Variants in MS4A12 observed in about 807,000 individuals in gnomAD.
MS4A12 encodes membrane-spanning 4-domains subfamily A member 12.
A neutral mutation model predicts 23.7 loss-of-function variants in MS4A12; 28 were observed. That is an observed-to-expected ratio of 1.18 (90% CI 0.88 to 1.62). The LOEUF (loss-of-function observed/expected upper bound fraction) is 1.62, where lower values mean the gene tolerates loss of function less well. Among genes scored for constraint, MS4A12 ranks in the 40% most tolerant of loss-of-function variants. The pLI, the probability that MS4A12 is intolerant of heterozygous loss-of-function variation, is 0.00. For synonymous variants in MS4A12, 108 were observed against 110.1 expected, an observed-to-expected ratio of 0.98 and a Z score of 0.12; for missense variants, 342 against 327.0, an observed-to-expected ratio of 1.05 and a Z score of -0.35.
chr11:60,497,446 C>A lies in MS4A12; in HGVS notation c.128C>A (p.Ala43Asp), dbSNP rs757436949. Residue 43 changes from alanine (A) to aspartate (D), a missense_variant, in exon 2 of 7, where the codon GCT becomes GAT. By Grantham distance (126) the Ala-to-Asp change is moderately radical. Coordinates refer to ENST00000016913, the MANE Select transcript of MS4A12 (RefSeq NM_017716.3). ...PLGSINLENQ[A>D]QGAQRAQPYG... ...GGTTCAATCAACTTAGAAAACCAAG[C>A]TCAGGGTGCTCAGCGTGCTCAGCCC... 3.1e-6 allele frequency: 5 copies of A among 1,614,196 alleles called. No homozygotes were observed. Among genetic ancestry groups the A allele is most frequent in the Middle Eastern group, 1.6e-4 (1 of 6,062 alleles).
chr11:60,505,775 T>G (rs1249103363), intron 5 of MS4A12, among the ~76,000 whole-genome samples: 1 of 152,132 alleles, frequency 6.6e-6, no homozygotes, highest in African/African-American at 2.4e-5. Flanking sequence ...TACAAGACCA[T>G]GAGTAGTACC....
intron 2 of MS4A12, 63 bp from the exon 3 acceptor site, chr11:60,500,982 C>G (rs2086525810): frequency 3.3e-6 from 5 of 1,513,936 alleles, no homozygotes; most frequent in Non-Finnish European, 4.4e-6. Context: ...GCAGCAATGA[C>G]AGTAATGTTT....
At chr11:60,500,753 G>T (rs986832448) in intron 2 of MS4A12, among the ~76,000 whole-genome samples, 1 of 152,214 alleles carries the variant, frequency 6.6e-6, no homozygotes, top group African/African-American at 2.4e-5. Flanking sequence ...GGCCCTCAGA[G>T]ATGCTAATGC....
chr11:60,502,184 G>T (rs758170597), intron 4 of MS4A12, 145 bp downstream of exon 4: 5 of 763,678 alleles, frequency 6.5e-6, no homozygotes, highest in Middle Eastern at 2.5e-4. Flanking sequence ...TGGTCTGAGC[G>T]CTGGGGTGAG....
intron 1 of MS4A12, among the ~76,000 whole-genome samples, chr11:60,493,655 A>G (rs1486153111): frequency 6.6e-6 from 1 of 152,206 alleles, no homozygotes; most frequent in East Asian, 1.9e-4. Context: ...GCATTTTGTG[A>G]AAGGTGATAT....
At chr11:60,503,629 T>G (rs1364832843) in intron 4 of MS4A12, 72 bp from the exon 5 acceptor site, 1 of 1,205,418 alleles carries the variant, frequency 8.3e-7, no homozygotes, top group Non-Finnish European at 1.2e-6. Context: ...ACCATGAAAT[T>G]TGATTGATTC....
At chr11:60,506,888 A>G in intron 6 of MS4A12, 50 bp downstream of exon 6, 1 of 1,566,244 alleles carries the variant, frequency 6.4e-7, no homozygotes, top group Admixed American at 1.7e-5. Flanking sequence ...CCCTGGAGAA[A>G]TACAGACTTG....
chr11:60,505,750 G>A (rs1365284640), intron 5 of MS4A12, among the ~76,000 whole-genome samples: 1 of 152,136 alleles, frequency 6.6e-6, no homozygotes, highest in Non-Finnish European at 1.5e-5. Context: ...AAAGGATAAA[G>A]CAAATCCTGT....
intron 2 of MS4A12, among the ~76,000 whole-genome samples, chr11:60,499,560 GTA>G (rs1367134976): frequency 1.3e-5 from 2 of 152,234 alleles, no homozygotes; most frequent in African/African-American, 4.8e-5. Context: ...CAAAAGTATG[GTA>G]TGTGTGTGTA....
chr11:60,504,138 A>C (rs2086553060), intron 5 of MS4A12, among the ~76,000 whole-genome samples: 1 of 152,208 alleles, frequency 6.6e-6, no homozygotes, highest in Non-Finnish European at 1.5e-5. Context: ...ATTCTATATA[A>C]ATAAGGTAGT....
At position 60,501,983 on chromosome 11, in the gene MS4A12, T is replaced by C; in HGVS notation, c.415T>C (p.Phe139Leu). The C allele has an allele frequency of 6.2e-7, 1 of 1,611,896 alleles. No individual in the cohort carries two copies. The highest frequency in any genetic ancestry group is 8.5e-7 in the Non-Finnish European group (1 of 1,178,162). ...CAAATAAATTTGTCCATTTCCACAG[T>C]TTATTATCTCTGGCTCTCTCTCTGT... ...GGYPFWGGLS[F>L]IISGSLSVSA... The change falls in exon 4 of 7, where the codon TTT (phenylalanine) becomes CTT (leucine). Residue 139 changes from phenylalanine (F) to leucine (L), a missense_variant and splice_region_variant. Transcript: ENST00000016913.
intron 2 of MS4A12, among the ~76,000 whole-genome samples, chr11:60,499,394 C>G (rs2066355521): frequency 6.6e-6 from 1 of 152,230 alleles, no homozygotes; most frequent in South Asian, 2.1e-4. Context: ...TGCCCCTCAT[C>G]AAGGTGACAG....
rs2086495331 is a variant in MS4A12, at chr11:60,497,365, T to C, written c.47T>C (p.Ile16Thr). 1.2e-6 allele frequency: 2 copies of C among 1,614,140 alleles called. No individual in the cohort carries two copies. Among genetic ancestry groups the C allele is most frequent in the African/African-American group, 2.7e-5 (2 of 75,048 alleles). Residue 16 changes from isoleucine (I) to threonine (T), a missense_variant, in exon 2 of 7, where the codon ATA becomes ACA. By Grantham distance (89) the Ile-to-Thr change is moderately conservative. Transcript: ENST00000016913. Reference sequence around the variant, plus strand: ...AGCCATGCTGAAGTAAATGAAACCATACCCAACCCTTACCCACCAAGCAGC... The same window carrying C: ...AGCCATGCTGAAGTAAATGAAACCACACCCAACCCTTACCCACCAAGCAGC... ...PTSHAEVNET[I>T]PNPYPPSSFM...
chr11:60,502,183 C>T (rs574857893), intron 4 of MS4A12, 144 bp downstream of exon 4: 51 of 772,222 alleles, frequency 6.6e-5, no homozygotes, highest in East Asian at 2.0e-4. Flanking sequence ...ATGGTCTGAG[C>T]GCTGGGGTGA....
chr11:60,501,263 C>A (rs2298555), intron 3 of MS4A12, 81 bp downstream of exon 3: 748,268 of 1,376,398 alleles, frequency 0.54, 205,081 homozygotes, highest in Admixed American at 0.68. Context: ...CTATCTCCAG[C>A]CAATTCACAA....
chr11:60,499,052 C>A (rs1357712806), intron 2 of MS4A12, among the ~76,000 whole-genome samples: 1 of 152,132 alleles, frequency 6.6e-6, no homozygotes. Flanking sequence ...TGCCCGGCAC[C>A]GAAGAGGCGT....
At chr11:60,499,108 C>A (rs1732183295) in intron 2 of MS4A12, among the ~76,000 whole-genome samples, 1 of 149,626 alleles carries the variant, frequency 6.7e-6, no homozygotes, top group African/African-American at 2.5e-5. Flanking sequence ...TTTTCAAAAT[C>A]TCCAGTTGGC....
chr11:60,497,402 T>C lies in MS4A12; in HGVS notation c.84T>C (p.Pro28=), dbSNP rs747699665. Residue 28 remains proline (P), a synonymous_variant, in exon 2 of 7, where the codon CCT becomes CCC. Coordinates refer to ENST00000016913, the MANE Select transcript of MS4A12 (RefSeq NM_017716.3). Reference sequence around the variant, plus strand: ...ACCCACCAAGCAGCTTTATGGCTCCTGGATTTCAACAGCCTCTGGGTTCAA... The same window carrying C: ...ACCCACCAAGCAGCTTTATGGCTCCCGGATTTCAACAGCCTCTGGGTTCAA... ...NPYPPSSFMA[P]GFQQPLGSIN... is the part of the protein sequence containing the mutation. 4 of 1,614,208 alleles carry C rather than the reference T, an allele frequency of 2.5e-6. No homozygotes were observed. The highest frequency in any genetic ancestry group is 3.4e-6 in the Non-Finnish European group (4 of 1,180,044).
At chr11:60,499,499 C>A (rs775190575) in intron 2 of MS4A12, among the ~76,000 whole-genome samples, 16 of 152,164 alleles carry the variant, frequency 1.1e-4, no homozygotes, top group Non-Finnish European at 2.9e-5. Flanking sequence ...TACAGGAGTT[C>A]TTTAAGTGAG....
Sources: gnomAD v4.1 joint callset for allele counts (sites outside exome capture counted in the v4.1 genomes callset) on GRCh38, gnomAD v4.1.1 for gene constraint, MANE v1.5 for transcripts, NCBI Gene and HGNC (gene_info 2026-07-23, HGNC 2026-07-21) for gene names.